Variants in FYCO1 observed in about 807,000 individuals in gnomAD.
FYCO1 encodes the protein FYVE and coiled-coil domain-containing protein 1.
Under a neutral mutation model 165.1 loss-of-function variants are expected in FYCO1, and 122 were observed. That is an observed-to-expected ratio of 0.74 (90% confidence interval 0.64 to 0.86). FYCO1 has a LOEUF of 0.86. FYCO1 is among the 40% of genes least tolerant of loss of function. The probability of loss-of-function intolerance (pLI) is 0.00; values close to 1 mark genes in which losing one functional copy is unlikely to be tolerated. For missense variants in FYCO1, 1,702 were observed against 1,810.3 expected, an observed-to-expected ratio of 0.94 and a Z score of 1.09; for synonymous variants, 648 against 742.5, an observed-to-expected ratio of 0.87 and a Z score of 2.07.
chr3:45,936,075 C>CT lies in FYCO1; in HGVS notation c.4040+372dup, dbSNP rs1001198946. ...GAAGGCTATATGCCAAAATGTTTTG[C>CT]TTATCTCTATTTTCCTAATTTTTTA... On this transcript the variant is annotated intron_variant, in intron 15 of 17. Coordinates refer to ENST00000296137, the MANE Select transcript of FYCO1 (RefSeq NM_024513.4). 8.5e-5 allele frequency among the ~76,000 whole-genome samples: 13 copies of CT among 152,234 alleles called. No individual in the cohort carries two copies. The Middle Eastern group carries it at 0.017, about 199-fold the overall frequency.
At position 45,966,897 on chromosome 3, in the gene FYCO1, G is replaced by T. The variant is rs1314126863; in HGVS notation, c.2437C>A (p.Leu813Ile). 1.2e-6 allele frequency: 2 copies of T among 1,613,492 alleles called. No homozygotes were observed. Among genetic ancestry groups the T allele is most frequent in the African/African-American group, 2.7e-5 (2 of 74,940 alleles). ...LDDQDKVQSQ[L>I]SMAEAVLREH... Reference sequence around the variant, plus strand: ...CTCAGGACGGCCTCAGCCATGCTTAGCTGGCTCTGCACCTTGTCCTGGTCA... The same window carrying T: ...CTCAGGACGGCCTCAGCCATGCTTATCTGGCTCTGCACCTTGTCCTGGTCA... The change falls in exon 8 of 18, where the codon CTA (leucine) becomes ATA (isoleucine). Residue 813 changes from leucine (L) to isoleucine (I), a missense_variant. Transcript: ENST00000296137.
At position 45,968,001 on chromosome 3, in the gene FYCO1, G is replaced by A. The variant is rs1209051147; in HGVS notation, c.1333C>T (p.Leu445=). The change falls in exon 8 of 18, where the codon CTG becomes TTG. Residue 445 remains leucine, a synonymous_variant. Coordinates refer to ENST00000296137, the MANE Select transcript of FYCO1 (RefSeq NM_024513.4). ...LQLKEDARAS[L]ERLVKEMAPL... is the part of the protein sequence containing the mutation. ...GCCATCTCCTTCACCAGGCGCTCCAGGCTGGCCCGGGCATCCTCTTTCAGC... is the reference window on the plus strand; with the variant it reads ...GCCATCTCCTTCACCAGGCGCTCCAAGCTGGCCCGGGCATCCTCTTTCAGC... The A allele has an allele frequency of 2.5e-6, 4 of 1,614,126 alleles. No individual in the cohort carries two copies. In the South Asian group the frequency reaches 3.3e-5, roughly 13 times the overall value.
chr3:45,921,897 GTGGCAGC>G, intron 17 of FYCO1, 57 bp from the exon 18 acceptor site: 1 of 1,156,674 alleles, frequency 8.6e-7, no homozygotes, highest in South Asian at 1.2e-5. Context: ...AGTCCGAGGG[GTGGCAGC>G]TGCTGCTGAG....
chr3:45,977,791 C>T (rs6781668), intron 4 of FYCO1, among the ~76,000 whole-genome samples: 24,684 of 152,072 alleles, frequency 0.16, 2,308 homozygotes, highest in East Asian at 0.29. Flanking sequence ...TACCGCCTAC[C>T]TCAAAGGGGT....
chr3:45,947,149 GCTT>G, intron 14 of FYCO1: 2 of 1,614,140 alleles, frequency 1.2e-6, no homozygotes, highest in Non-Finnish European at 1.7e-6. Context: ...CATGCTGGAG[GCTT>G]CCAGAAGCAC....
intron 14 of FYCO1, among the ~76,000 whole-genome samples, chr3:45,951,320 C>T (rs930266575): frequency 8.5e-5 from 13 of 152,144 alleles, no homozygotes; most frequent in Admixed American, 2.0e-4. Context: ...CCAGTCTCTT[C>T]GGTATAGAGG....
At position 45,923,585 on chromosome 3, in the gene FYCO1, C is replaced by T. The variant is rs140100519; in HGVS notation, c.4361+71G>A. 1,271 of 928,580 alleles carry T rather than the reference C, an allele frequency of 1.4e-3. 4 individuals carry two copies. The highest frequency in any genetic ancestry group is 8.0e-3 in the Middle Eastern group (38 of 4,746). 57.5% of individuals were successfully genotyped at this position (928,580 alleles called of 1,614,324 possible). ...CTGACAAATAATTGGTTTTGAGTGT[C>T]CACCTCTGCTCTTTAGAAGAGGTGA... is the stretch of plus-strand genomic sequence containing the variant. On this transcript the variant is annotated intron_variant, in intron 17 of 17. Transcript: ENST00000296137.
At chr3:45,948,434 G>A (rs1446075307) in intron 14 of FYCO1, 1 of 153,460 alleles carries the variant, frequency 6.5e-6, no homozygotes, top group Non-Finnish European at 1.5e-5. Context: ...TCAGAGCCCG[G>A]GAAATAAGTC....
chr3:45,928,130 T>G (rs1003576817), intron 16 of FYCO1, among the ~76,000 whole-genome samples: 1 of 152,204 alleles, frequency 6.6e-6, no homozygotes, highest in Non-Finnish European at 1.5e-5. Context: ...GAATTTCTTT[T>G]TTGGAGTGAT....
chr3:45,953,834 A>G (rs1285208228), intron 14 of FYCO1, among the ~76,000 whole-genome samples: 3 of 152,208 alleles, frequency 2.0e-5, no homozygotes, highest in Admixed American at 2.0e-4. Context: ...TCTTACTGCT[A>G]AAACTTTGAG....
chr3:45,975,244 C>A lies in FYCO1; in HGVS notation c.390G>T (p.Val130=), dbSNP rs754379487. ...CAGCCCTGTCCTGTATTTACCTGGT[C>A]ACTTTGGTGTTCATGAAGCACTGCT... ...TLQQCFMNTK[V]TSDWYYARSP... Residue 130 remains valine (V), a synonymous_variant, in exon 5 of 18, where the codon GTG becomes GTT. Transcript: ENST00000296137. The A allele has an allele frequency of 2.5e-6, 4 of 1,608,488 alleles. No homozygotes were observed. In the Admixed American group the frequency reaches 6.7e-5, roughly 27 times the overall value.
intron 11 of FYCO1, among the ~76,000 whole-genome samples, 166 bp from the exon 12 acceptor site, chr3:45,959,708 C>T (rs778656238): frequency 6.6e-6 from 1 of 152,206 alleles, no homozygotes; most frequent in Non-Finnish European, 1.5e-5. Context: ...CCTCCATCTC[C>T]CCCGACATGC....
chr3:45,966,813 G>A lies in FYCO1; in HGVS notation c.2521C>T (p.His841Tyr), dbSNP rs1706054597. ...KEQNEALNRAHVQELLQCSER... is the reference protein window; with the variant it reads ...KEQNEALNRAYVQELLQCSER... ...GAGCATTGCAGCAGCTCCTGGACAT[G>A]GGCTCTGTTAAGGGCTTCATTCTGC... The change falls in exon 8 of 18, where the codon CAT (histidine) becomes TAT (tyrosine). Residue 841 changes from histidine to tyrosine, a missense_variant. Coordinates refer to ENST00000296137, the MANE Select transcript of FYCO1 (RefSeq NM_024513.4). The A allele has an allele frequency of 6.2e-7, 1 of 1,610,442 alleles. No individual in the cohort carries two copies. The highest frequency in any genetic ancestry group is 8.5e-7 in the Non-Finnish European group (1 of 1,180,010).
Position 45,969,674 on chromosome 3 carries a change from C to G in FYCO1, c.630+1G>C. The G allele has an allele frequency of 6.2e-7, 1 of 1,613,210 alleles. No individual in the cohort carries two copies. The highest frequency in any genetic ancestry group is 8.5e-7 in the Non-Finnish European group (1 of 1,179,200). ...ATAATTCCCAGCCTTCCTGGCCTTACCTGCAGGTAGCTGCTCACCAAGCTG... is the reference window on the plus strand; with the variant it reads ...ATAATTCCCAGCCTTCCTGGCCTTAGCTGCAGGTAGCTGCTCACCAAGCTG... On this transcript the variant is annotated splice_donor_variant, in intron 7 of 17. Transcript: ENST00000296137. LOFTEE classifies it high-confidence loss of function.
In FYCO1 at chr3:45,962,203, G is replaced by A. The variant is rs1705731295; in HGVS notation, c.3437+22C>T. 2 of 1,613,648 alleles carry A rather than the reference G, an allele frequency of 1.2e-6. No individual in the cohort carries two copies. The highest frequency in any genetic ancestry group is 2.2e-5 in the South Asian group (2 of 91,066). Reference sequence around the variant, plus strand: ...CCCCAGTGTGGGGAAAACCCCAGCTGCTGGTTTGACACAGCACTCACCTGA... The same window carrying A: ...CCCCAGTGTGGGGAAAACCCCAGCTACTGGTTTGACACAGCACTCACCTGA... On this transcript the variant is annotated intron_variant, in intron 11 of 17. Transcript: ENST00000296137. The surrounding 1 kb of genome is among the most constrained non-coding windows in gnomAD (Gnocchi z 4.4).
At chr3:45,938,262 G>C in intron 14 of FYCO1, 1 of 1,288,114 alleles carries the variant, frequency 7.8e-7, no homozygotes, top group Non-Finnish European at 1.0e-6. Flanking sequence ...CGCCCTGCAT[G>C]AGTGAGGTAG....
At chr3:45,952,737 C>A (rs757173131) in intron 14 of FYCO1, among the ~76,000 whole-genome samples, 1 of 152,182 alleles carries the variant, frequency 6.6e-6, no homozygotes, top group Non-Finnish European at 1.5e-5. Flanking sequence ...GTAGGATAGT[C>A]ACTTTCTCAC....
chr3:45,952,733 T>C (rs904970650), intron 14 of FYCO1, among the ~76,000 whole-genome samples: 2 of 152,134 alleles, frequency 1.3e-5, no homozygotes, highest in Non-Finnish European at 2.9e-5. Context: ...AGCTGTAGGA[T>C]AGTCACTTTC....
chr3:45,970,213 C>T (rs1280080919), intron 6 of FYCO1, among the ~76,000 whole-genome samples: 1 of 152,204 alleles, frequency 6.6e-6, no homozygotes, highest in Non-Finnish European at 1.5e-5. Context: ...CCAGTCAGTG[C>T]AGATACAGAA....
Sources: gnomAD v4.1 joint callset for allele counts (sites outside exome capture counted in the v4.1 genomes callset) on GRCh38, gnomAD v4.1.1 for gene constraint, Gnocchi (gnomAD v3.1) non-coding constraint, MANE v1.5 for transcripts, NCBI Gene and HGNC (gene_info 2026-07-23, HGNC 2026-07-21) for gene names.